NALF1: variants seen among roughly 807,000 people sequenced by gnomAD.
NALF1 encodes the protein family with sequence similarity 155 member A.
Under a neutral mutation model 48.4 loss-of-function variants are expected in NALF1, and 3 were observed. That is an observed-to-expected ratio of 0.06 (90% CI 0.03 to 0.16). The LOEUF (loss-of-function observed/expected upper bound fraction) is 0.16. Ranked by LOEUF, NALF1 falls within the 10% of genes least tolerant of loss-of-function variation. NALF1 has a pLI of 1.00. For missense variants in NALF1, 526 were observed against 571.5 expected, an observed-to-expected ratio of 0.92 and a Z score of 0.81; for synonymous variants, 262 against 245.7, an observed-to-expected ratio of 1.07 and a Z score of -0.62.
At chr13:107,526,756 G>A (rs1403347091) in intron 1 of NALF1, among the ~76,000 whole-genome samples, 2 of 152,112 alleles carry the variant, frequency 1.3e-5, no homozygotes, top group African/African-American at 4.8e-5. Flanking sequence ...TGTTTAGAGA[G>A]CATTAAACTT....
At chr13:107,604,861 TAG>T (rs1879023525) in intron 1 of NALF1, among the ~76,000 whole-genome samples, 1 of 152,166 alleles carries the variant, frequency 6.6e-6, no homozygotes, top group Non-Finnish European at 1.5e-5. Context: ...AATCTCATGT[TAG>T]CCATGAGATC....
At chr13:107,854,415 A>G (rs906560551) in intron 1 of NALF1, among the ~76,000 whole-genome samples, 1 of 152,244 alleles carries the variant, frequency 6.6e-6, no homozygotes, top group African/African-American at 2.4e-5. Flanking sequence ...CTAGTGGTCC[A>G]TAACCACCAG....
intron 1 of NALF1, among the ~76,000 whole-genome samples, chr13:107,325,101 G>C (rs1243126108): frequency 6.6e-6 from 1 of 152,078 alleles, no homozygotes; most frequent in Non-Finnish European, 1.5e-5. Context: ...CTAAAAATAT[G>C]GAAGTACTCA....
At chr13:107,300,840 T>A (rs1881822733) in intron 1 of NALF1, among the ~76,000 whole-genome samples, 1 of 152,192 alleles carries the variant, frequency 6.6e-6, no homozygotes, top group South Asian at 2.1e-4. Flanking sequence ...AGGAACAGAT[T>A]CACTGTTCAA....
rs79797999 is a variant in NALF1 at position 107,581,846 on chromosome 13, C to G, written c.915+283836G>C. On this transcript the variant is annotated intron_variant, in intron 1 of 2. Coordinates refer to ENST00000375915, the MANE Select transcript of NALF1 (RefSeq NM_001080396.3). ...ACATACAGTTCATTAAAATAGTCTC[C>G]CATTTTTGGTGACTGTTCTCACCTA... Among the ~76,000 whole-genome samples the G allele has an allele frequency of 3.7e-3, 570 of 152,248 alleles. 3 individuals are homozygous for G. Among genetic ancestry groups the G allele is most frequent in the African/African-American group, 0.013 (539 of 41,538 alleles).
chr13:107,635,413 A>G (rs1475250), intron 1 of NALF1, among the ~76,000 whole-genome samples: 89,966 of 151,632 alleles, frequency 0.59, 28,661 homozygotes, highest in East Asian at 0.99. Flanking sequence ...AAAACTCACT[A>G]TCATGAGAAC....
intron 1 of NALF1, among the ~76,000 whole-genome samples, chr13:107,601,177 G>A (rs1004868553): frequency 3.3e-5 from 5 of 152,192 alleles, no homozygotes; most frequent in East Asian, 1.9e-4. Context: ...AATGCTCCCC[G>A]ACCTCAGATT....
At chr13:107,790,669 G>A (rs999075344) in intron 1 of NALF1, among the ~76,000 whole-genome samples, 4 of 152,126 alleles carry the variant, frequency 2.6e-5, no homozygotes, top group Non-Finnish European at 5.9e-5. Flanking sequence ...ATACATTTAT[G>A]CGAATAAAAG....
At chr13:107,843,012 C>T (rs1880081651) in intron 1 of NALF1, among the ~76,000 whole-genome samples, 1 of 152,142 alleles carries the variant, frequency 6.6e-6, no homozygotes, top group South Asian at 2.1e-4. Flanking sequence ...GGGTCATGTG[C>T]ATATTATCCA....
intron 1 of NALF1, among the ~76,000 whole-genome samples, chr13:107,801,581 C>T (rs2138597160): frequency 6.6e-6 from 1 of 152,254 alleles, no homozygotes. Flanking sequence ...TAAATCAGTG[C>T]ATCCATTCCT....
intron 1 of NALF1, among the ~76,000 whole-genome samples, chr13:107,473,012 T>G (rs189877481): frequency 6.6e-6 from 1 of 152,204 alleles, no homozygotes; most frequent in Non-Finnish European, 1.5e-5. Flanking sequence ...CACTGCTCAC[T>G]TTCCCACTTT....
intron 1 of NALF1, among the ~76,000 whole-genome samples, chr13:107,824,298 T>C (rs1288866016): frequency 6.6e-6 from 1 of 152,134 alleles, no homozygotes; most frequent in African/African-American, 2.4e-5. Context: ...GACCCCTAGA[T>C]ATATTTGTTT....
intron 1 of NALF1, among the ~76,000 whole-genome samples, chr13:107,739,017 C>A (rs1876549197): frequency 6.6e-6 from 1 of 152,214 alleles, no homozygotes; most frequent in East Asian, 1.9e-4. Context: ...AATCAAAGAG[C>A]ATGTTTGCTG....
intron 1 of NALF1, among the ~76,000 whole-genome samples, chr13:107,838,395 G>C (rs1730312668): frequency 6.6e-6 from 1 of 152,100 alleles, no homozygotes; most frequent in African/African-American, 2.4e-5. Context: ...TGAGTGTTTT[G>C]ATTTTTCCTT....
At chr13:107,783,025 G>GC (rs1255324203) in intron 1 of NALF1, among the ~76,000 whole-genome samples, 1 of 142,478 alleles carries the variant, frequency 7.0e-6, no homozygotes, top group Non-Finnish European at 1.5e-5. Context: ...TGGGGGGTCA[G>GC]CCCCCCGCCC....
intron 1 of NALF1, among the ~76,000 whole-genome samples, chr13:107,494,039 A>G (rs1401001248): frequency 7.2e-6 from 1 of 138,476 alleles, no homozygotes; most frequent in Non-Finnish European, 1.5e-5. Context: ...ATTTGATTTC[A>G]GTACACTAAA....
Position 107,866,375 on chromosome 13 carries a change from C to G in NALF1, c.222G>C (p.Gln74His). 3 of 1,479,450 alleles carry G rather than the reference C, an allele frequency of 2.0e-6. No homozygotes were observed. The highest frequency in any genetic ancestry group is 2.7e-6 in the Non-Finnish European group (3 of 1,112,702). The allele number at this position is 1,479,450 out of a possible 1,614,324, so 91.6% of individuals were successfully genotyped here. A position where few individuals can be genotyped will look rare whatever the true frequency, so the allele number is the denominator to read the frequency against. The change falls in exon 1 of 3, where the codon CAG becomes CAC. Residue 74 changes from glutamine to histidine, a missense_variant. Physicochemically the swap from Gln to His is conservative, Grantham distance 24. Around this residue, in one of 2 missense-constraint regions of NALF1, gnomAD observed 373 missense variants for 355.5 expected, o/e 1.05. Coordinates refer to ENST00000375915, the MANE Select transcript of NALF1 (RefSeq NM_001080396.3). The surrounding 1 kb of genome is among the most constrained non-coding windows in gnomAD (Gnocchi z 4.4). ...GCTGCTGCTGCTGCTGCCGCTGCTG[C>G]TGCTGGTGCTCCTTGTCCCGGGCCC... The part of the protein sequence containing the change: ...LTRARDKEHQ[Q>H]QQRQQQQQQQ...
At chr13:107,698,852 T>G (rs1566448055) in intron 1 of NALF1, among the ~76,000 whole-genome samples, 1 of 152,086 alleles carries the variant, frequency 6.6e-6, no homozygotes. Context: ...TCCTTTTTCT[T>G]TCTGTCAGAC....
chr13:107,240,046 C>T (rs1880435500), intron 1 of NALF1, among the ~76,000 whole-genome samples: 1 of 152,172 alleles, frequency 6.6e-6, no homozygotes, highest in Non-Finnish European at 1.5e-5. Flanking sequence ...ACTTACAAGT[C>T]ACACACTTAG....
Sources: gnomAD v4.1 joint callset for allele counts (sites outside exome capture counted in the v4.1 genomes callset) on GRCh38, gnomAD v4.1.1 for gene constraint, gnomAD v4.1.1 regional missense constraint, Gnocchi (gnomAD v3.1) non-coding constraint, MANE v1.5 for transcripts, NCBI Gene and HGNC (gene_info 2026-07-23, HGNC 2026-07-21) for gene names.